TSGA10IP: variants seen among roughly 807,000 people sequenced by gnomAD.
TSGA10IP encodes the protein testis-specific protein 10-interacting protein.
In TSGA10IP, 64 loss-of-function variants were observed where a neutral mutation model predicts 63.2. The ratio of observed to expected loss-of-function variants is 1.01; its 90% CI spans 0.83 to 1.25. The LOEUF (loss-of-function observed/expected upper bound fraction) is 1.25. Ranked by LOEUF, TSGA10IP falls within the 50% of genes most tolerant of loss-of-function variation. TSGA10IP has a pLI of 0.00. For synonymous variants in TSGA10IP, 316 were observed against 298.3 expected, an observed-to-expected ratio of 1.06 and a Z score of -0.61; for missense variants, 681 against 710.1, an observed-to-expected ratio of 0.96 and a Z score of 0.47.
At chr11:65,953,761 G>A in intron 5 of TSGA10IP, 24 bp downstream of exon 5, 7 of 1,490,286 alleles carry the variant, frequency 4.7e-6, no homozygotes, top group Non-Finnish European at 6.2e-6. Context: ...GCTTCGGGAG[G>A]CCTGGTTGGG....
chr11:65,945,998 G>C, intron 1 of TSGA10IP, 176 bp downstream of exon 1: 1 of 683,828 alleles, frequency 1.5e-6, no homozygotes, highest in Non-Finnish European at 2.4e-6. Context: ...GGGAGAAGCC[G>C]AGGGATGACG....
At chr11:65,952,589 C>T (rs966962308) in intron 4 of TSGA10IP, among the ~76,000 whole-genome samples, 3 of 152,142 alleles carry the variant, frequency 2.0e-5, no homozygotes, top group South Asian at 2.1e-4. Flanking sequence ...GCTAGGACTA[C>T]AGGTCTGGTC....
exon 3 of TSGA10IP, chr11:65,947,494 G>A: frequency 6.2e-7 from 1 of 1,613,482 alleles, no homozygotes; most frequent in Non-Finnish European, 8.5e-7. Flanking sequence ...TGGGTGCTGA[G>A]GAGGCCGAGA....
chr11:65,948,277 CAT>C, intron 4 of TSGA10IP, 129 bp downstream of exon 4: 1 of 465,570 alleles, frequency 2.1e-6, no homozygotes, highest in Non-Finnish European at 3.4e-6. Context: ...ACTTTTGGAT[CAT>C]CCATCCATCC....
In TSGA10IP at chr11:65,957,109, G is replaced by A. The variant is rs1455847318; in HGVS notation, c.1323-1774G>A. 2.6e-5 allele frequency among the ~76,000 whole-genome samples: 4 copies of A among 152,170 alleles called. No homozygotes were observed. The South Asian group carries it at 6.2e-4, about 24-fold the overall frequency. On this transcript the variant is annotated intron_variant, in intron 5 of 7. Coordinates refer to ENST00000532620, the Ensembl canonical transcript of TSGA10IP. ...CTCCTTCCATTCTGAGATGATGGAC[G>A]GGGCTGACACCCATAGGCACCACTT...
chr11:65,952,711 CA>C (rs1854961639), intron 4 of TSGA10IP, among the ~76,000 whole-genome samples: 1 of 151,336 alleles, frequency 6.6e-6, no homozygotes, highest in Non-Finnish European at 1.5e-5. Context: ...CAATATATAC[CA>C]TTGTGTATAT....
intron 5 of TSGA10IP, among the ~76,000 whole-genome samples, chr11:65,956,521 G>T (rs1006744367): frequency 1.3e-5 from 2 of 151,874 alleles, no homozygotes; most frequent in African/African-American, 4.8e-5. Flanking sequence ...GACTGCTTGG[G>T]CCAATGTTTA....
chr11:65,952,994 C>A (rs1854965134), intron 4 of TSGA10IP, among the ~76,000 whole-genome samples: 1 of 149,990 alleles, frequency 6.7e-6, no homozygotes, highest in East Asian at 1.9e-4. Flanking sequence ...AATATTAATT[C>A]TTCCAAAGCA....
chr11:65,955,997 T>C lies in TSGA10IP; in HGVS notation c.1322+2260T>C, dbSNP rs200800542. Among the ~76,000 whole-genome samples the C allele has an allele frequency of 5.9e-5, 9 of 152,312 alleles. No individual in the cohort carries two copies. The East Asian group carries it at 1.5e-3, about 26-fold the overall frequency. On this transcript the variant is annotated intron_variant, in intron 5 of 7. Transcript: ENST00000532620. ...CAGTGCCATTGATTTGAGCACCTCC[T>C]GGGTGCAGCGGGCGCAGGGCATCTT...
At position 65,947,168 on chromosome 11, in the gene TSGA10IP, A is replaced by T. The variant is rs961186840; in HGVS notation, c.343A>T (p.Ile115Phe). 29 of 1,610,300 alleles carry T rather than the reference A, an allele frequency of 1.8e-5. No individual in the cohort carries two copies. Among genetic ancestry groups the T allele is most frequent in the Non-Finnish European group, 2.3e-5 (27 of 1,178,406 alleles). ...CCCCTTCCAGTGGGCCTGGGAGAGC[A>T]TCGCCACAGATGTCCGGGCTGTGCT... Residue 115 changes from isoleucine (I) to phenylalanine (F), a missense_variant, in exon 3 of 8, where the codon ATC (isoleucine) becomes TTC (phenylalanine). By Grantham distance (21) the Ile-to-Phe change is conservative (BLOSUM62 0). Transcript: ENST00000532620.
intron 4 of TSGA10IP, among the ~76,000 whole-genome samples, chr11:65,949,850 G>GTTTTTTTT (rs377116599): frequency 9.8e-6 from 1 of 101,702 alleles, no homozygotes; most frequent in Non-Finnish European, 1.8e-5. Flanking sequence ...CATTACCTCG[G>GTTTTTTTT]TTTTTTTTTT....
chr11:65,953,320 C>T (rs929116143), intron 4 of TSGA10IP, among the ~76,000 whole-genome samples: 9 of 152,146 alleles, frequency 5.9e-5, no homozygotes, highest in African/African-American at 9.7e-5. Context: ...CATGAACCAC[C>T]GTGCCTGGCC....
intron 4 of TSGA10IP, among the ~76,000 whole-genome samples, chr11:65,949,886 C>T (rs1306693715): frequency 2.9e-5 from 3 of 102,254 alleles, no homozygotes; most frequent in African/African-American, 3.8e-5. Flanking sequence ...CAGAGTCTTG[C>T]TCTGTTCCCA....
chr11:65,945,688 A>G (rs1565304534), exon 1 of TSGA10IP: 1 of 1,612,256 alleles, frequency 6.2e-7, no homozygotes, highest in South Asian at 1.1e-5. Context: ...GGGGCAGGAC[A>G]CCGATATGCT....
intron 5 of TSGA10IP, among the ~76,000 whole-genome samples, chr11:65,956,350 T>G (rs1475306654): frequency 6.6e-6 from 1 of 152,054 alleles, no homozygotes; most frequent in Non-Finnish European, 1.5e-5. Flanking sequence ...TTGGTCAGGC[T>G]GGTCTTGAAC....
intron 5 of TSGA10IP, among the ~76,000 whole-genome samples, chr11:65,956,333 C>T (rs1236066149): frequency 6.6e-6 from 1 of 151,936 alleles, no homozygotes; most frequent in Non-Finnish European, 1.5e-5. Context: ...GACAGGGTTT[C>T]TCCATGTTGG....
intron 7 of TSGA10IP, 24 bp from the exon 8 acceptor site, chr11:65,959,793 G>A: frequency 6.5e-7 from 1 of 1,543,456 alleles, no homozygotes; most frequent in Non-Finnish European, 8.7e-7. Flanking sequence ...TGCAGAGTCA[G>A]GGGCCTCTAT....
intron 5 of TSGA10IP, among the ~76,000 whole-genome samples, chr11:65,956,163 G>A (rs947630350): frequency 7.6e-5 from 11 of 145,470 alleles, no homozygotes; most frequent in African/African-American, 2.7e-4. Flanking sequence ...TTGAGACAGA[G>A]TTTCGCTCTT....
intron 5 of TSGA10IP, among the ~76,000 whole-genome samples, chr11:65,956,990 T>C (rs1367016624): frequency 1.3e-5 from 2 of 152,186 alleles, no homozygotes; most frequent in Non-Finnish European, 2.9e-5. Context: ...CATTACAGCC[T>C]ATGAACTTCG....
Sources: gnomAD v4.1 joint callset for allele counts (sites outside exome capture counted in the v4.1 genomes callset) on GRCh38, gnomAD v4.1.1 for gene constraint, MANE v1.5 for transcripts, NCBI Gene and HGNC (gene_info 2026-07-23, HGNC 2026-07-21) for gene names.